The following PTPRN2 variants were observed in gnomAD, a reference collection of about 807,000 sequenced individuals.
PTPRN2 encodes protein tyrosine phosphatase receptor type N2.
PTPRN2 carries 74 observed loss-of-function variants against 118.8 expected under a neutral mutation model. The ratio of observed to expected loss-of-function variants is 0.62; its 90% CI spans 0.52 to 0.76. The LOEUF (loss-of-function observed/expected upper bound fraction) is 0.76, where lower values mean the gene tolerates loss of function less well. PTPRN2 is among the 30% of genes least tolerant of loss of function. The probability of loss-of-function intolerance (pLI) is 0.00; values close to 1 mark genes in which losing one functional copy is unlikely to be tolerated. For missense variants in PTPRN2, 1,481 were observed against 1,394.4 expected (o/e 1.06, Z -0.99); for synonymous variants, 641 against 608.0 (o/e 1.05, Z -0.80).
chr7:158,016,874 CA>C (rs1297407255), intron 11 of PTPRN2, among the ~76,000 whole-genome samples: 1 of 152,206 alleles, frequency 6.6e-6, no homozygotes, highest in Non-Finnish European at 1.5e-5. Context: ...GACATAGCTA[CA>C]AGGTGAAACT....
chr7:158,243,771 G>A (rs1158822356), intron 3 of PTPRN2, among the ~76,000 whole-genome samples: 1 of 139,700 alleles, frequency 7.2e-6, no homozygotes, highest in East Asian at 2.1e-4. Flanking sequence ...TCTCTGCTAA[G>A]TACTAAGCAC....
chr7:158,152,656 G>A (rs1585655321), intron 6 of PTPRN2, among the ~76,000 whole-genome samples: 1 of 152,134 alleles, frequency 6.6e-6, no homozygotes. Context: ...ACCAAATGCT[G>A]CATTTCCCAA....
At chr7:157,599,295 C>T (rs1233404485) in intron 16 of PTPRN2, among the ~76,000 whole-genome samples, 1 of 152,194 alleles carries the variant, frequency 6.6e-6, no homozygotes, top group African/African-American at 2.4e-5. Flanking sequence ...CAGGCATAAG[C>T]CACTGCGCCT....
In PTPRN2 at chr7:157,603,791, G is replaced by A. The variant is rs1563252956; in HGVS notation, c.2418+211C>T. 6.6e-6 allele frequency among the ~76,000 whole-genome samples: 1 copy of A among 152,178 alleles called. No homozygotes were observed. Among genetic ancestry groups the A allele is most frequent in the Middle Eastern group, 3.2e-3 (1 of 316 alleles). Reference sequence around the variant, plus strand: ...CAAGTCACGGAACCCACCGCCCAGCGTGAGCCGGGACCCACACGGCTCATA... The same window carrying A: ...CAAGTCACGGAACCCACCGCCCAGCATGAGCCGGGACCCACACGGCTCATA... On this transcript the variant is annotated intron_variant, in intron 16 of 22. Transcript: ENST00000389418. The surrounding 1 kb of genome is among the most constrained non-coding windows in gnomAD (Gnocchi z 5.4).
chr7:158,248,295 G>C (rs1467452179), intron 3 of PTPRN2, among the ~76,000 whole-genome samples: 2 of 152,118 alleles, frequency 1.3e-5, no homozygotes, highest in African/African-American at 4.8e-5. Context: ...AAGCCGCTGA[G>C]CTGCCAGCTA....
In PTPRN2 at chr7:157,952,451, A is replaced by C. The variant is rs1382341057; in HGVS notation, c.1724-53714T>G. 3.8e-5 allele frequency among the ~76,000 whole-genome samples: 4 copies of C among 104,018 alleles called. No individual in the cohort carries two copies. The East Asian group carries it at 1.0e-3, about 27-fold the overall frequency. The allele number at this position is 104,018 out of a possible 152,430, so 68.2% of individuals were successfully genotyped here. On this transcript the variant is annotated intron_variant, in intron 11 of 22. Coordinates refer to ENST00000389418, the MANE Select transcript of PTPRN2 (RefSeq NM_002847.5). Reference sequence around the variant, plus strand: ...AGACAGGCGAGGGTGGGTAGTGTGCATGCCTGAGACGGGGTGGGGGACACA... The same window carrying C: ...AGACAGGCGAGGGTGGGTAGTGTGCCTGCCTGAGACGGGGTGGGGGACACA...
Position 158,408,764 on chromosome 7 carries a change from C to T in PTPRN2, c.163+80971G>A, listed in dbSNP as rs112372210. Among the ~76,000 whole-genome samples, 93 of 152,210 alleles carry T rather than the reference C, an allele frequency of 6.1e-4. 2 individuals carry two copies. Among genetic ancestry groups the T allele is most frequent in the African/African-American group, 2.1e-3 (89 of 41,530 alleles). On this transcript the variant is annotated intron_variant, in intron 2 of 22. Coordinates refer to ENST00000389418, the MANE Select transcript of PTPRN2 (RefSeq NM_002847.5). Reference sequence around the variant, plus strand: ...AAGCCAGTGGGGTAGGAAGGAGAATCGGATCAAAAGTTCACATTTTGATCA... The same window carrying T: ...AAGCCAGTGGGGTAGGAAGGAGAATTGGATCAAAAGTTCACATTTTGATCA...
intron 22 of PTPRN2, among the ~76,000 whole-genome samples, chr7:157,548,310 C>T (rs981789221): frequency 1.3e-5 from 2 of 152,170 alleles, no homozygotes; most frequent in Admixed American, 6.5e-5. Flanking sequence ...CACAAAATCA[C>T]GTGATGGTCC....
intron 11 of PTPRN2, among the ~76,000 whole-genome samples, chr7:157,941,967 C>T (rs1316829200): frequency 6.7e-6 from 1 of 150,052 alleles, no homozygotes; most frequent in Non-Finnish European, 1.5e-5. Context: ...GCACACCCTC[C>T]ACACACGGGG....
intron 11 of PTPRN2, among the ~76,000 whole-genome samples, chr7:158,025,249 A>G (rs534536195): frequency 6.6e-6 from 1 of 152,168 alleles, no homozygotes; most frequent in Admixed American, 6.5e-5. Context: ...TGGCAGGTAA[A>G]GCCACAATGC....
chr7:158,333,573 T>G (rs1483054262), intron 2 of PTPRN2, among the ~76,000 whole-genome samples: 1 of 150,662 alleles, frequency 6.6e-6, no homozygotes, highest in Non-Finnish European at 1.5e-5. Context: ...CCATAAGAGC[T>G]GATGCCGGCA....
At chr7:158,453,943 AC>A (rs1818269916) in intron 2 of PTPRN2, among the ~76,000 whole-genome samples, 14 of 139,498 alleles carry the variant, frequency 1.0e-4, no homozygotes, top group African/African-American at 1.6e-4. Context: ...GACAAGACAC[AC>A]ACAATCACCG....
At chr7:157,954,809 C>G (rs568870979) in intron 11 of PTPRN2, among the ~76,000 whole-genome samples, 11 of 152,274 alleles carry the variant, frequency 7.2e-5, no homozygotes, top group Admixed American at 5.9e-4. Context: ...TTTCTGGTAT[C>G]TTTAGAACCA....
At chr7:157,936,404 C>G (rs1430563305) in intron 11 of PTPRN2, among the ~76,000 whole-genome samples, 1 of 152,200 alleles carries the variant, frequency 6.6e-6, no homozygotes, top group Non-Finnish European at 1.5e-5. Context: ...GTGTCCCTCA[C>G]TCCACCAGGC....
chr7:157,983,013 G>A (rs1447601157), intron 11 of PTPRN2, among the ~76,000 whole-genome samples: 3 of 2,654 alleles, frequency 1.1e-3, no homozygotes, highest in African/African-American at 5.2e-3. Flanking sequence ...GACGAGGAGG[G>A]GAATGCAGAG....
chr7:157,689,995 C>T (rs528392877), intron 12 of PTPRN2, among the ~76,000 whole-genome samples: 2 of 152,364 alleles, frequency 1.3e-5, no homozygotes, highest in East Asian at 3.9e-4. Context: ...CCCTTCCCTC[C>T]TCCTTTCCCA....
chr7:158,125,603 T>C (rs1459582466), intron 9 of PTPRN2, among the ~76,000 whole-genome samples: 6 of 152,168 alleles, frequency 3.9e-5, no homozygotes, highest in African/African-American at 9.7e-5. Flanking sequence ...TCTTAAATGA[T>C]AATAAATCCA....
intron 12 of PTPRN2, among the ~76,000 whole-genome samples, chr7:157,882,114 C>A (rs1212831758): frequency 3.8e-5 from 5 of 131,140 alleles, no homozygotes; most frequent in African/African-American, 8.6e-5. Flanking sequence ...CATACATCAG[C>A]ACATGCCACC....
intron 11 of PTPRN2, among the ~76,000 whole-genome samples, chr7:157,908,112 C>T (rs1048661675): frequency 1.3e-5 from 2 of 152,218 alleles, no homozygotes; most frequent in South Asian, 2.1e-4. Context: ...GACCGGCCGG[C>T]GTCTCCGCGT....
Sources: gnomAD v4.1 joint callset for allele counts (sites outside exome capture counted in the v4.1 genomes callset) on GRCh38, gnomAD v4.1.1 for gene constraint, Gnocchi (gnomAD v3.1) non-coding constraint, MANE v1.5 for transcripts, NCBI Gene and HGNC (gene_info 2026-07-23, HGNC 2026-07-21) for gene names.